The following HFM1 variants were observed in gnomAD, a reference collection of about 807,000 sequenced individuals.
HFM1 encodes the protein probable ATP-dependent DNA helicase HFM1.
HFM1 carries 169 observed loss-of-function variants against 192.1 expected under a neutral mutation model. That is an observed-to-expected ratio of 0.88 (90% CI 0.78 to 1.00). HFM1 has a LOEUF of 1.00. Among genes scored for constraint, HFM1 ranks in the 50% least tolerant of loss-of-function variants. The pLI, the probability that HFM1 is intolerant of heterozygous loss-of-function variation, is 0.00. For missense variants in HFM1, 1,661 were observed against 1,668.0 expected, an observed-to-expected ratio of 1.00 and a Z score of 0.07; for synonymous variants, 525 against 537.8, an observed-to-expected ratio of 0.98 and a Z score of 0.33.
chr1:91,383,880 AT>A (rs1312752109), intron 6 of HFM1, among the ~76,000 whole-genome samples: 1 of 152,110 alleles, frequency 6.6e-6, no homozygotes, highest in Non-Finnish European at 1.5e-5. Context: ...TGTGGTAATT[AT>A]TTTTGCAATG....
chr1:91,298,983 C>T (rs1157275300), intron 30 of HFM1, among the ~76,000 whole-genome samples: 1 of 152,120 alleles, frequency 6.6e-6, no homozygotes, highest in Non-Finnish European at 1.5e-5. Flanking sequence ...AATTAAAAGA[C>T]ACAGACTGGC....
chr1:91,302,766 A>C (rs1048804208), intron 30 of HFM1, among the ~76,000 whole-genome samples: 1 of 113,732 alleles, frequency 8.8e-6, no homozygotes, highest in African/African-American at 3.4e-5. Flanking sequence ...GGAACATCAC[A>C]CTCTGGGGCC....
intron 35 of HFM1, among the ~76,000 whole-genome samples, chr1:91,266,862 C>G (rs1422944881): frequency 6.6e-6 from 1 of 152,172 alleles, no homozygotes; most frequent in African/African-American, 2.4e-5. Flanking sequence ...CTGGCCTATT[C>G]TGTGAAGGTG....
At chr1:91,298,310 G>C (rs141032752) in intron 30 of HFM1, among the ~76,000 whole-genome samples, 5,058 of 152,286 alleles carry the variant, frequency 0.033, 195 homozygotes, top group East Asian at 0.13. Flanking sequence ...GTCTACATCT[G>C]ATTGGTGTAC....
rs1486086437 is a variant in HFM1, at chr1:91,287,634, T to C, written c.3392-10572A>G. On this transcript the variant is annotated intron_variant, in intron 30 of 38. Coordinates refer to ENST00000370425, the MANE Select transcript of HFM1 (RefSeq NM_001017975.6). ...TCCTCCTCTAAAGGAACGCAGTTCCTCACCAGCAACAGAACAAAGCTGGAC... is the reference window on the plus strand; with the variant it reads ...TCCTCCTCTAAAGGAACGCAGTTCCCCACCAGCAACAGAACAAAGCTGGAC... Among the ~76,000 whole-genome samples, 5 of 152,094 alleles carry C rather than the reference T, an allele frequency of 3.3e-5. No individual in the cohort carries two copies. In the East Asian group the frequency reaches 7.7e-4, roughly 23 times the overall value.
At chr1:91,365,357 A>G (rs1236792885) in intron 13 of HFM1, among the ~76,000 whole-genome samples, 1 of 152,124 alleles carries the variant, frequency 6.6e-6, no homozygotes, top group Non-Finnish European at 1.5e-5. Context: ...AAGTAGATTT[A>G]GCTGCTCTTG....
At chr1:91,407,266 T>C (rs1257320228), upstream of HFM1, among the ~76,000 whole-genome samples, 1 of 151,914 alleles carries the variant, frequency 6.6e-6, no homozygotes, top group African/African-American at 2.4e-5. Context: ...AAATGACGAG[T>C]TGATGGGTGC....
Position 91,380,099 on chromosome 1 carries a change from CT to C in HFM1, c.1006+4del. On this transcript the variant is annotated splice_donor_region_variant and intron_variant, in intron 8 of 38. Transcript: ENST00000370425. ...TTAGTCATCACTCTTATAATAAATA[CT>C]TACTGTAAACAATTTTAATATTCAA... 1.5e-6 allele frequency: 2 copies of C among 1,316,236 alleles called. No individual in the cohort carries two copies. Among genetic ancestry groups the C allele is most frequent in the Non-Finnish European group, 2.1e-6 (2 of 958,308 alleles). 81.5% of individuals were successfully genotyped at this position (1,316,236 alleles called of 1,614,324 possible).
intron 34 of HFM1, among the ~76,000 whole-genome samples, chr1:91,269,777 T>C (rs1353488125): frequency 2.0e-5 from 3 of 152,128 alleles, no homozygotes; most frequent in African/African-American, 7.2e-5. Context: ...TTGATAGAGC[T>C]GTAGTTGTGA....
intron 36 of HFM1, among the ~76,000 whole-genome samples, chr1:91,264,653 G>T (rs150702039): frequency 0.024 from 3,574 of 151,860 alleles, 50 homozygotes; most frequent in South Asian, 0.046. Flanking sequence ...GATTACAAGC[G>T]TGAGCCACCG....
At chr1:91,393,940 C>T (rs957591087) in intron 4 of HFM1, among the ~76,000 whole-genome samples, 153 bp downstream of exon 4, 5 of 151,994 alleles carry the variant, frequency 3.3e-5, no homozygotes, top group African/African-American at 1.2e-4. Flanking sequence ...AGGACCAGGA[C>T]TATGACACCA....
intron 29 of HFM1, 69 bp downstream of exon 29, chr1:91,313,888 T>G: frequency 2.5e-6 from 2 of 810,390 alleles, no homozygotes; most frequent in Non-Finnish European, 4.0e-6. Flanking sequence ...TGTACCAGCA[T>G]AAAGGATGTA....
intron 20 of HFM1, chr1:91,339,018 CCT>C (rs1389419300): frequency 1.3e-5 from 6 of 455,616 alleles, no homozygotes; most frequent in African/African-American, 1.2e-4. Context: ...GAGCCCAAGC[CCT>C]CTGAAATCAT....
At chr1:91,291,211 C>G (rs942808227) in intron 30 of HFM1, among the ~76,000 whole-genome samples, 1 of 152,044 alleles carries the variant, frequency 6.6e-6, no homozygotes, top group Non-Finnish European at 1.5e-5. Context: ...CAGAGCAGAA[C>G]TGAAGGAAAT....
chr1:91,294,465 A>C (rs1224555985), intron 30 of HFM1, among the ~76,000 whole-genome samples: 1 of 152,192 alleles, frequency 6.6e-6, no homozygotes, highest in Non-Finnish European at 1.5e-5. Flanking sequence ...AGGTAATTCA[A>C]TCTCCTTGCT....
intron 30 of HFM1, among the ~76,000 whole-genome samples, chr1:91,290,381 A>C (rs1348500778): frequency 6.6e-6 from 1 of 152,184 alleles, no homozygotes; most frequent in Non-Finnish European, 1.5e-5. Context: ...GGAAAACAAA[A>C]AAAGGCAGGG....
rs1453896820 is a variant in HFM1, at chr1:91,386,165, T to G, written c.495-331A>C. On this transcript the variant is annotated intron_variant, in intron 4 of 38. Transcript: ENST00000370425. ...TCTAACTAGCAGAGTACTGCAGAAG[T>G]GTAAATGTTTGACTTACAAGGCTAG... 2.6e-5 allele frequency among the ~76,000 whole-genome samples: 4 copies of G among 152,236 alleles called. 1 individual carries two copies. The highest frequency in any genetic ancestry group is 2.6e-4 in the Admixed American group (4 of 15,288).
rs1489375592 is a variant in HFM1 at position 91,316,048 on chromosome 1, T to C, written c.2982+53A>G. The C allele has an allele frequency of 3.4e-6, 5 of 1,456,152 alleles. No homozygotes were observed. The East Asian group carries it at 9.1e-5, about 27-fold the overall frequency. 90.2% of individuals were successfully genotyped at this position (1,456,152 alleles called of 1,614,324 possible). ...TACTCAGCTGAAGCCTATTTATAGG[T>C]AGCTTTATTTCTGAAAAGACAATAA... On this transcript the variant is annotated intron_variant, in intron 27 of 38. Transcript: ENST00000370425.
intron 30 of HFM1, among the ~76,000 whole-genome samples, chr1:91,312,291 G>C (rs1650583528): frequency 6.6e-6 from 1 of 152,070 alleles, no homozygotes. Flanking sequence ...CTGTGCACTT[G>C]GAAAAGCTGC....
Sources: allele counts gnomAD v4.1 joint callset (sites outside exome capture counted in the v4.1 genomes callset), GRCh38; gene constraint gnomAD v4.1.1; transcripts MANE v1.5; gene names NCBI Gene and HGNC (gene_info 2026-07-23, HGNC 2026-07-21).